The following SLC28A1 variants were observed in gnomAD, a reference collection of about 807,000 sequenced individuals.
SLC28A1 encodes sodium/nucleoside cotransporter 1.
SLC28A1 carries 64 observed loss-of-function variants against 74.8 expected under a neutral mutation model. The observed-to-expected ratio is 0.86, with a 90% CI of 0.70 to 1.05. SLC28A1 has a LOEUF of 1.05. Ranked by LOEUF, SLC28A1 falls within the 50% of genes least tolerant of loss-of-function variation. The pLI is 0.00. For synonymous variants in SLC28A1, 359 were observed against 335.0 expected, an observed-to-expected ratio of 1.07 and a Z score of -0.78; for missense variants, 828 against 822.8, an observed-to-expected ratio of 1.01 and a Z score of -0.08.
Position 84,895,061 on chromosome 15 carries a change from G to T in SLC28A1, c.399G>T (p.Gly133=). 5 of 1,605,394 alleles carry T rather than the reference G, an allele frequency of 3.1e-6. No homozygotes were observed. Among genetic ancestry groups the T allele is most frequent in the Non-Finnish European group, 4.3e-6 (5 of 1,176,244 alleles). ...ACCGCCTGCTGAAACGGCTTCTGGG[G>T]CCAAAGCTGAGGAGGTTTCTCAAGC... ...LGHRLLKRLL[G]PKLRRFLKPQ... Residue 133 remains glycine (G), a synonymous_variant, in exon 6 of 19, where the codon GGG becomes GGT. Coordinates refer to ENST00000394573, the MANE Select transcript of SLC28A1 (RefSeq NM_004213.5).
intron 7 of SLC28A1, among the ~76,000 whole-genome samples, chr15:84,904,994 T>A (rs1966885352): frequency 6.6e-6 from 1 of 152,216 alleles, no homozygotes; most frequent in African/African-American, 2.4e-5. Flanking sequence ...CACCTGAGCT[T>A]GGACTCACTG....
At chr15:84,970,941 C>T in the SLC28A1 span, among the ~76,000 whole-genome samples, 224 of 152,340 alleles carry the variant, frequency 1.5e-3, 1 homozygote, top group South Asian at 3.5e-3. Context: ...AAGCCTTTGA[C>T]GTCTGTTATG....
rs1209488317 is a variant in SLC28A1, at chr15:84,908,859, G to A, written c.795+64G>A. The stretch of plus-strand genomic sequence containing the variant: ...ACCGCCCAGCGACTCCAGCTAGAGG[G>A]GAGTCTGGGCATGGTGGGGGCCCAG... On this transcript the variant is annotated intron_variant, in intron 9 of 18. Coordinates refer to ENST00000394573, the MANE Select transcript of SLC28A1 (RefSeq NM_004213.5). The A allele has an allele frequency of 1.1e-5, 15 of 1,378,982 alleles. No individual in the cohort carries two copies. In the Admixed American group the frequency reaches 2.5e-4, roughly 23 times the overall value. The allele number at this position is 1,378,982 out of a possible 1,614,324, so 85.4% of individuals were successfully genotyped here.
intron 9 of SLC28A1, among the ~76,000 whole-genome samples, chr15:84,917,789 G>C (rs1969323086): frequency 6.6e-6 from 1 of 151,846 alleles, no homozygotes; most frequent in South Asian, 2.1e-4. Flanking sequence ...TCCATTTTTT[G>C]CCAGTTTGTT....
At chr15:84,911,101 C>T (rs770206322) in intron 9 of SLC28A1, among the ~76,000 whole-genome samples, 4 of 152,216 alleles carry the variant, frequency 2.6e-5, no homozygotes, top group Non-Finnish European at 5.9e-5. Flanking sequence ...GCCCGGCGGG[C>T]CACGCAGCTG....
chr15:84,906,805 C>T (rs145660440), intron 8 of SLC28A1, among the ~76,000 whole-genome samples: 539 of 152,082 alleles, frequency 3.5e-3, no homozygotes, highest in Non-Finnish European at 6.0e-3. Flanking sequence ...ACCATTTTAA[C>T]CCCTTTAAGT....
At chr15:84,896,724 A>T (rs375225976) in intron 6 of SLC28A1, among the ~76,000 whole-genome samples, 1 of 152,188 alleles carries the variant, frequency 6.6e-6, no homozygotes. Flanking sequence ...AACTACCCAT[A>T]TGTCTATAAA....
chr15:84,909,012 T>C (rs1967739747), intron 9 of SLC28A1, among the ~76,000 whole-genome samples: 1 of 142,720 alleles, frequency 7.0e-6, no homozygotes. Context: ...TTGTAAAATT[T>C]GCAAAAGTAA....
the SLC28A1 span, among the ~76,000 whole-genome samples, chr15:84,963,946 C>G: frequency 1.3e-5 from 2 of 152,186 alleles, no homozygotes; most frequent in African/African-American, 4.8e-5. Context: ...GGCTCTTCCA[C>G]AGGCTGCTCC....
intron 12 of SLC28A1, among the ~76,000 whole-genome samples, chr15:84,928,795 G>A (rs1172375972): frequency 6.6e-6 from 1 of 151,424 alleles, no homozygotes; most frequent in African/African-American, 2.4e-5. Context: ...GCTAATTTGT[G>A]TATTTTTAGT....
chr15:84,950,358 CCTTTTTTTTTT>C (rs1567199986), downstream of SLC28A1, among the ~76,000 whole-genome samples: 9 of 102,878 alleles, frequency 8.7e-5, no homozygotes, highest in Non-Finnish European at 1.4e-4. Flanking sequence ...TCGCCAGTCT[CCTTTTTTTTTT>C]TTTTTTTTTT....
intron 9 of SLC28A1, among the ~76,000 whole-genome samples, chr15:84,916,241 T>TGTGAGCCACCATGCCTGGCCTTTC (rs1567155450): frequency 1.9e-5 from 1 of 52,418 alleles, no homozygotes; most frequent in Non-Finnish European, 3.7e-5. Context: ...CTGGGATTAC[T>TGTGAGCCACCATGCCTGGCCTTTC]TTTTTTTTTT....
At chr15:84,964,715 A>G in the SLC28A1 span, among the ~76,000 whole-genome samples, 1 of 152,190 alleles carries the variant, frequency 6.6e-6, no homozygotes. Context: ...GAAGTTCTGG[A>G]CATTACACCC....
intron 11 of SLC28A1, among the ~76,000 whole-genome samples, chr15:84,923,409 C>T (rs1970090279): frequency 6.6e-6 from 1 of 152,204 alleles, no homozygotes; most frequent in African/African-American, 2.4e-5. Flanking sequence ...GGACTTTATC[C>T]TGTCGACGCC....
At chr15:84,943,903 C>CAAA (rs1156848120) in intron 16 of SLC28A1, among the ~76,000 whole-genome samples, 1 of 132,794 alleles carries the variant, frequency 7.5e-6, no homozygotes. Flanking sequence ...GACTCTGTCT[C>CAAA]AAAAAAAAAA....
chr15:84,951,960 C>G, the SLC28A1 span, among the ~76,000 whole-genome samples: 1 of 152,196 alleles, frequency 6.6e-6, no homozygotes, highest in Admixed American at 6.5e-5. Flanking sequence ...GGGAGGCTCA[C>G]AGCAGTTTCC....
At chr15:84,924,311 T>G (rs543439597) in intron 12 of SLC28A1, among the ~76,000 whole-genome samples, 6 of 152,142 alleles carry the variant, frequency 3.9e-5, no homozygotes, top group Non-Finnish European at 7.4e-5. Flanking sequence ...GGGGCAAAGC[T>G]TCCTGGTGTT....
chr15:84,924,116 T>C lies in SLC28A1; in HGVS notation c.1083+6T>C. ...GTGCCTACATCTCCTTTGGGGTAGGTAGAGCCCTCCTTCTGCTTGGCTATG... is the reference window on the plus strand; with the variant it reads ...GTGCCTACATCTCCTTTGGGGTAGGCAGAGCCCTCCTTCTGCTTGGCTATG... On this transcript the variant is annotated splice_donor_region_variant and intron_variant, in intron 12 of 18. Transcript: ENST00000394573. The C allele has an allele frequency of 6.2e-7, 1 of 1,611,940 alleles. No homozygotes were observed. Among genetic ancestry groups the C allele is most frequent in the African/African-American group, 1.3e-5 (1 of 74,864 alleles).
intron 5 of SLC28A1, among the ~76,000 whole-genome samples, chr15:84,890,796 T>C (rs1965289191): frequency 6.6e-6 from 1 of 151,906 alleles, no homozygotes; most frequent in Non-Finnish European, 1.5e-5. Flanking sequence ...CAAGGAGGAA[T>C]GGGGGATGAT....
Sources: allele counts gnomAD v4.1 joint callset (sites outside exome capture counted in the v4.1 genomes callset), GRCh38; gene constraint gnomAD v4.1.1; transcripts MANE v1.5; gene names NCBI Gene and HGNC (gene_info 2026-07-23, HGNC 2026-07-21).